Variants in ATG4B observed in about 807,000 individuals in gnomAD.
ATG4B encodes autophagy related 4B cysteine peptidase.
In ATG4B, 29 loss-of-function variants were observed where a neutral mutation model predicts 56.6. The observed-to-expected ratio is 0.51, with a 90% confidence interval of 0.38 to 0.70. The LOEUF (loss-of-function observed/expected upper bound fraction) is 0.70. Ranked by LOEUF, ATG4B falls within the 30% of genes least tolerant of loss-of-function variation. The pLI is 0.00. For missense variants in ATG4B, 461 were observed against 515.5 expected, an observed-to-expected ratio of 0.89 and a Z score of 1.02; for synonymous variants, 224 against 206.1, an observed-to-expected ratio of 1.09 and a Z score of -0.74.
intron 1 of ATG4B, among the ~76,000 whole-genome samples, chr2:241,640,064 G>A (rs2067838556): frequency 6.6e-6 from 1 of 152,162 alleles, no homozygotes; most frequent in Admixed American, 6.5e-5. Flanking sequence ...TATCATATGA[G>A]AGACTTGGCT....
At chr2:241,664,368 C>CA (rs556153888) in intron 7 of ATG4B, among the ~76,000 whole-genome samples, 89 of 151,836 alleles carry the variant, frequency 5.9e-4, no homozygotes, top group African/African-American at 2.0e-3. Flanking sequence ...CTCATCTCTA[C>CA]AAAAAAACAA....
chr2:241,672,168 G>T, intron 12 of ATG4B, 23 bp from the exon 13 acceptor site: 1 of 1,562,856 alleles, frequency 6.4e-7, no homozygotes. Flanking sequence ...GATGCCTGAT[G>T]CGCTATGTCC....
chr2:241,639,150 C>T (rs1158922553), intron 1 of ATG4B, among the ~76,000 whole-genome samples: 4 of 152,178 alleles, frequency 2.6e-5, no homozygotes, highest in Non-Finnish European at 5.9e-5. Context: ...TGCCGGGTCC[C>T]GCCAGCTGTT....
chr2:241,669,918 A>G (rs1462592341), intron 10 of ATG4B, among the ~76,000 whole-genome samples: 1 of 152,136 alleles, frequency 6.6e-6, no homozygotes, highest in Non-Finnish European at 1.5e-5. Flanking sequence ...GCACTCTAAC[A>G]GTCAGGTCAG....
At chr2:241,656,566 C>T (rs1455540255) in intron 6 of ATG4B, among the ~76,000 whole-genome samples, 8 of 152,246 alleles carry the variant, frequency 5.3e-5, no homozygotes, top group Non-Finnish European at 1.2e-4. Context: ...CCCCTGCCTG[C>T]TCCCCACCAG....
intron 12 of ATG4B, 63 bp from the exon 13 acceptor site, chr2:241,672,128 C>T (rs892318614): frequency 1.3e-5 from 20 of 1,547,506 alleles, no homozygotes; most frequent in Admixed American, 2.0e-5. Context: ...CGCCAAGGGC[C>T]CTTGACTCAC....
In ATG4B at chr2:241,651,280, G is replaced by C; in HGVS notation, c.129G>C (p.Leu43Phe). The C allele has an allele frequency of 6.2e-7, 1 of 1,601,422 alleles. No individual in the cohort carries two copies. The highest frequency in any genetic ancestry group is 8.5e-7 in the Non-Finnish European group (1 of 1,173,494). ...AACCTCTAGAAAAGGACGAGATCTT[G>C]TCTGATGTGGCATCTAGACTTTGGT... ...YSIFTEKDEI[L>F]SDVASRLWFT... The change falls in exon 3 of 13, where the codon TTG becomes TTC. Residue 43 changes from leucine to phenylalanine, a missense_variant. By Grantham distance (22) the Leu-to-Phe change is conservative. Transcript: ENST00000404914. The surrounding 1 kb of genome is among the most constrained non-coding windows in gnomAD (Gnocchi z 4.1).
chr2:241,665,887 AGTCACTGTCACCT>A (rs749543073), intron 7 of ATG4B, among the ~76,000 whole-genome samples: 6 of 152,104 alleles, frequency 3.9e-5, no homozygotes, highest in Admixed American at 2.6e-4. Context: ...GTCACCTGTC[AGTCACTGTCACCT>A]GTCACTGTCA....
intron 1 of ATG4B, among the ~76,000 whole-genome samples, chr2:241,643,695 C>T (rs80291076): frequency 0.4 from 26,147 of 64,862 alleles, 3,026 homozygotes; most frequent in East Asian, 0.51. Context: ...TATATATTTT[C>T]CCCCCCCCCC....
intron 1 of ATG4B, among the ~76,000 whole-genome samples, chr2:241,639,948 G>C (rs1311644858): frequency 2.0e-5 from 3 of 152,170 alleles, no homozygotes; most frequent in Non-Finnish European, 4.4e-5. Context: ...TGGCTTTCAG[G>C]CTTTAAACTG....
In ATG4B at chr2:241,666,668, C is replaced by A; in HGVS notation, c.562C>A (p.Pro188Thr). 6.2e-7 allele frequency: 1 copy of A among 1,613,518 alleles called. No individual in the cohort carries two copies. Among genetic ancestry groups the A allele is most frequent in the Non-Finnish European group, 8.5e-7 (1 of 1,179,788 alleles). Reference sequence around the variant, plus strand: ...AGGAAGGTTGTGCAGGACCAGCGTTCCCTGTGCAGGCGCCACTGCGTTTCC... The same window carrying A: ...AGGAAGGTTGTGCAGGACCAGCGTTACCTGTGCAGGCGCCACTGCGTTTCC... ...EIRRLCRTSV[P>T]CAGATAFPAD... The change falls in exon 8 of 13, where the codon CCC (proline) becomes ACC (threonine). Residue 188 changes from proline (P) to threonine (T), a missense_variant. Physicochemically the swap from Pro to Thr is conservative, Grantham distance 38. Transcript: ENST00000404914.
At chr2:241,671,646 G>C (rs1271009079) in intron 12 of ATG4B, 2 of 1,450,238 alleles carry the variant, frequency 1.4e-6, no homozygotes, top group Non-Finnish European at 1.8e-6. Context: ...GGGCGCTGTG[G>C]AGCTGGGCGT....
chr2:241,672,301 G>A lies in ATG4B; in HGVS notation c.*37G>A, dbSNP rs1229800553. The A allele has an allele frequency of 6.6e-7, 1 of 1,517,888 alleles. No individual in the cohort carries two copies. Among genetic ancestry groups the A allele is most frequent in the African/African-American group, 1.4e-5 (1 of 72,576 alleles). The allele number at this position is 1,517,888 out of a possible 1,614,324, so 94.0% of individuals were successfully genotyped here. A position where few individuals can be genotyped will look rare whatever the true frequency, so the allele number is the denominator to read the frequency against. Reference sequence around the variant, plus strand: ...TCGGGGGTGGCACCTGTGAGAGCCTGGGGCTCCTGGTGCCGCTGCGTTTCA... The same window carrying A: ...TCGGGGGTGGCACCTGTGAGAGCCTAGGGCTCCTGGTGCCGCTGCGTTTCA... On this transcript the variant is annotated 3_prime_UTR_variant, in exon 13 of 13. Coordinates refer to ENST00000404914, the MANE Select transcript of ATG4B (RefSeq NM_013325.5).
At chr2:241,643,944 G>A (rs1423335693) in intron 1 of ATG4B, among the ~76,000 whole-genome samples, 1 of 152,168 alleles carries the variant, frequency 6.6e-6, no homozygotes, top group Non-Finnish European at 1.5e-5. Flanking sequence ...ATGTGGCACG[G>A]GAAGATGATG....
At chr2:241,649,284 C>T (rs1051350005) in intron 1 of ATG4B, among the ~76,000 whole-genome samples, 2 of 152,238 alleles carry the variant, frequency 1.3e-5, no homozygotes, top group African/African-American at 2.4e-5. Flanking sequence ...TATGATTTCA[C>T]GTACGAACCT....
Position 241,666,828 on chromosome 2 carries a change from A to G in ATG4B, c.722A>G (p.Glu241Gly). Residue 241 changes from glutamate to glycine, a missense_variant, in exon 8 of 13, where the codon GAG becomes GGG. Coordinates refer to ENST00000404914, the MANE Select transcript of ATG4B (RefSeq NM_013325.5). ...ACGGACATCAACGAGGCCTACGTGG[A>G]GACGCTGAAGGTGGGTCCTGCCGTG... ...GLTDINEAYV[E>G]TLKHCFMMPQ... 1 of 1,561,790 alleles carries G rather than the reference A, an allele frequency of 6.4e-7. No individual in the cohort carries two copies. The highest frequency in any genetic ancestry group is 1.8e-4 in the Middle Eastern group (1 of 5,696).
intron 6 of ATG4B, among the ~76,000 whole-genome samples, chr2:241,657,265 G>A (rs1305468990): frequency 2.7e-5 from 4 of 148,474 alleles, no homozygotes; most frequent in African/African-American, 7.4e-5. Context: ...GTGAGCCACC[G>A]CGCCTGGCCA....
intron 7 of ATG4B, among the ~76,000 whole-genome samples, chr2:241,662,548 TCA>T (rs990556240): frequency 5.3e-5 from 8 of 152,140 alleles, no homozygotes; most frequent in African/African-American, 1.9e-4. Flanking sequence ...ACGTGGTAGG[TCA>T]CACACTCAGT....
At chr2:241,663,328 TAACAC>T in intron 7 of ATG4B, among the ~76,000 whole-genome samples, 1 of 152,312 alleles carries the variant, frequency 6.6e-6, no homozygotes, top group East Asian at 1.9e-4. Flanking sequence ...GGGACCCAGA[TAACAC>T]AACAGGCAGA....
Sources: allele counts gnomAD v4.1 joint callset (sites outside exome capture counted in the v4.1 genomes callset), GRCh38; gene constraint gnomAD v4.1.1; non-coding constraint Gnocchi (gnomAD v3.1); transcripts MANE v1.5; gene names NCBI Gene and HGNC (gene_info 2026-07-23, HGNC 2026-07-21).